GLYCTK: variants seen among roughly 807,000 people sequenced by gnomAD.
GLYCTK encodes the protein glycerate kinase, also known as HBeAg binding protein 4.
A neutral mutation model predicts 24.8 loss-of-function variants in GLYCTK; 22 were observed. That is an observed-to-expected ratio of 0.89 (90% confidence interval 0.63 to 1.27). GLYCTK has a LOEUF of 1.27. GLYCTK is among the 50% of genes most tolerant of loss of function. GLYCTK has a pLI of 0.00. For missense variants in GLYCTK, 684 were observed against 686.7 expected (o/e 1.00, Z 0.04); for synonymous variants, 320 against 297.2 (o/e 1.08, Z -0.79).
In GLYCTK at chr3:52,291,734, A is replaced by G; in HGVS notation, c.530-13A>G. Reference sequence around the variant, plus strand: ...GATAGCCCCTCTACCTGATACCCTCATTGTCTTGAGAGGTGGGGGTTCAGC... The same window carrying G: ...GATAGCCCCTCTACCTGATACCCTCGTTGTCTTGAGAGGTGGGGGTTCAGC... On this transcript the variant is annotated splice_polypyrimidine_tract_variant and intron_variant, in intron 3 of 4. Transcript: ENST00000436784. 1 of 1,613,026 alleles carries G rather than the reference A, an allele frequency of 6.2e-7. No individual in the cohort carries two copies. Among genetic ancestry groups the G allele is most frequent in the Non-Finnish European group, 8.5e-7 (1 of 1,179,680 alleles).
chr3:52,291,180 G>GATC (rs1489944565), intron 3 of GLYCTK, 69 bp downstream of exon 3: 3 of 1,575,894 alleles, frequency 1.9e-6, no homozygotes, highest in Non-Finnish European at 2.6e-6. Context: ...GTCTTCGAGA[G>GATC]ATCAGGTCTG....
In GLYCTK at chr3:52,293,917, C is replaced by T. The variant is rs761907654; in HGVS notation, c.*791C>T. The T allele has an allele frequency of 1.3e-4, 61 of 453,816 alleles. No homozygotes were observed. The highest frequency in any genetic ancestry group is 2.1e-4 in the Non-Finnish European group (47 of 226,652). The allele number at this position is 453,816 out of a possible 1,614,324, so 28.1% of individuals were successfully genotyped here. ...TTGTCCCACCCCCCAGTGCTGTTTC[C>T]TTGTGACAGCCCTTGTCCTAGGCTG... is the stretch of plus-strand genomic sequence containing the variant. On this transcript the variant is annotated 3_prime_UTR_variant, in exon 5 of 5. Transcript: ENST00000436784.
rs1037127209 is a variant in GLYCTK at position 52,295,242 on chromosome 3, A to G, written c.*2116A>G. 5 of 441,248 alleles carry G rather than the reference A, an allele frequency of 1.1e-5. No homozygotes were observed. Among genetic ancestry groups the G allele is most frequent in the Admixed American group, 7.1e-5 (3 of 42,136 alleles). The allele number at this position is 441,248 out of a possible 1,614,324, so 27.3% of individuals were successfully genotyped here. A position where few individuals can be genotyped will look rare whatever the true frequency, so the allele number is the denominator to read the frequency against. ...TTCATTACTTGCTCCATAAATGTCA[A>G]TTTTGGATCATTGAAGTGCCCGTCC... On this transcript the variant is annotated 3_prime_UTR_variant, in exon 5 of 5. Transcript: ENST00000436784.
rs1357091021 is a variant in GLYCTK, at chr3:52,294,091, A to G, written c.*965A>G. 3.9e-6 allele frequency: 2 copies of G among 515,338 alleles called. No homozygotes were observed. The allele number at this position is 515,338 out of a possible 1,614,324, so 31.9% of individuals were successfully genotyped here. A position where few individuals can be genotyped will look rare whatever the true frequency, so the allele number is the denominator to read the frequency against. On this transcript the variant is annotated 3_prime_UTR_variant, in exon 5 of 5. Coordinates refer to ENST00000436784, the MANE Select transcript of GLYCTK (RefSeq NM_145262.4). The stretch of plus-strand genomic sequence containing the variant: ...ACCTCTTCCTGTGACCACTGGCGGG[A>G]GAAGAGGCAAGTGGGAATAGAGGAA...
At position 52,293,350 on chromosome 3, in the gene GLYCTK, G is replaced by A. The variant is rs911399155; in HGVS notation, c.*224G>A. On this transcript the variant is annotated 3_prime_UTR_variant, in exon 5 of 5. Coordinates refer to ENST00000436784, the MANE Select transcript of GLYCTK (RefSeq NM_145262.4). Reference sequence around the variant, plus strand: ...GCTTCCCCCTACCCCTGAGGATGAGGACAAGCCCCTCGGCCAGTTCAGCGT... The same window carrying A: ...GCTTCCCCCTACCCCTGAGGATGAGAACAAGCCCCTCGGCCAGTTCAGCGT... 104 of 699,754 alleles carry A rather than the reference G, an allele frequency of 1.5e-4. No homozygotes were observed. Among genetic ancestry groups the A allele is most frequent in the Non-Finnish European group, 2.4e-4 (91 of 384,678 alleles). The allele number at this position is 699,754 out of a possible 1,614,324, so 43.3% of individuals were successfully genotyped here.
intron 1 of GLYCTK, among the ~76,000 whole-genome samples, chr3:52,288,316 G>T (rs1333769444): frequency 1.3e-5 from 2 of 152,182 alleles, no homozygotes; most frequent in African/African-American, 4.8e-5. Context: ...CTGTTCAAAT[G>T]ATTCTCATGC....
At position 52,295,161 on chromosome 3, in the gene GLYCTK, G is replaced by A; in HGVS notation, c.*2035G>A. On this transcript the variant is annotated 3_prime_UTR_variant, in exon 5 of 5. Transcript: ENST00000436784. ...CCAGAGATAAGAAAGGATGTATTTG[G>A]CCACAGTCTAAATGCTGAGATGAGA... is the stretch of plus-strand genomic sequence containing the variant. 2.2e-6 allele frequency: 1 copy of A among 454,114 alleles called. No individual in the cohort carries two copies. The highest frequency in any genetic ancestry group is 4.4e-6 in the Non-Finnish European group (1 of 226,794). 28.1% of individuals were successfully genotyped at this position (454,114 alleles called of 1,614,324 possible).
At chr3:52,291,227 G>C (rs1700459415) in intron 3 of GLYCTK, 116 bp downstream of exon 3, 1 of 1,309,854 alleles carries the variant, frequency 7.6e-7, no homozygotes, top group Non-Finnish European at 1.1e-6. Flanking sequence ...AGGAGCAAGG[G>C]AGGTGGTGAG....
rs780394291 is a variant in GLYCTK, at chr3:52,292,802, C to T, written c.1248C>T (p.Gly416=). ...AGGEPTVQLQ[G]SGRGGRNQEL... is the part of the protein sequence containing the mutation. ...GCGAGCCCACAGTACAGCTGCAGGG[C>T]TCGGGCAGGGGTGGCCGGAACCAGG... is the stretch of plus-strand genomic sequence containing the variant. Residue 416 remains glycine, a synonymous_variant, in exon 5 of 5, where the codon GGC becomes GGT. Transcript: ENST00000436784. 3 of 1,611,378 alleles carry T rather than the reference C, an allele frequency of 1.9e-6. No individual in the cohort carries two copies. The highest frequency in any genetic ancestry group is 2.5e-6 in the Non-Finnish European group (3 of 1,178,976).
At position 52,294,157 on chromosome 3, in the gene GLYCTK, G is replaced by A. The variant is rs1159451760; in HGVS notation, c.*1031G>A. The A allele has an allele frequency of 1.9e-6, 1 of 532,372 alleles. No homozygotes were observed. The highest frequency in any genetic ancestry group is 3.9e-6 in the Non-Finnish European group (1 of 259,238). 33.0% of individuals were successfully genotyped at this position (532,372 alleles called of 1,614,324 possible). On this transcript the variant is annotated 3_prime_UTR_variant, in exon 5 of 5. Coordinates refer to ENST00000436784, the MANE Select transcript of GLYCTK (RefSeq NM_145262.4). Reference sequence around the variant, plus strand: ...GGCCAGCAGCCTGGGTTGAGAGAGGGAGGTGCCACTGTCCTGCCTCCTTTT... The same window carrying A: ...GGCCAGCAGCCTGGGTTGAGAGAGGAAGGTGCCACTGTCCTGCCTCCTTTT...
chr3:52,295,126 A>C lies in GLYCTK; in HGVS notation c.*2000A>C. ...TGAGCCTAACCCGTTAGATTTGCTC[A>C]CTGGATACCCCAGAGATAAGAAAGG... is the stretch of plus-strand genomic sequence containing the variant. On this transcript the variant is annotated 3_prime_UTR_variant, in exon 5 of 5. Transcript: ENST00000436784. The C allele has an allele frequency of 2.2e-6, 1 of 454,112 alleles. No homozygotes were observed. The highest frequency in any genetic ancestry group is 1.6e-5 in the South Asian group (1 of 64,478). 28.1% of individuals were successfully genotyped at this position (454,112 alleles called of 1,614,324 possible).
At position 52,293,459 on chromosome 3, in the gene GLYCTK, T is replaced by A. The variant is rs1158000242; in HGVS notation, c.*333T>A. On this transcript the variant is annotated 3_prime_UTR_variant, in exon 5 of 5. Transcript: ENST00000436784. The stretch of plus-strand genomic sequence containing the variant: ...TGAAGCGAGAATGTCTGAAAATAAA[T>A]AGGACCATGCCATGGGTTCTCAGTG... 6 of 533,768 alleles carry A rather than the reference T, an allele frequency of 1.1e-5. No individual in the cohort carries two copies. In the Admixed American group the frequency reaches 1.3e-4, roughly 12 times the overall value. 33.1% of individuals were successfully genotyped at this position (533,768 alleles called of 1,614,324 possible). A position where few individuals can be genotyped will look rare whatever the true frequency, so the allele number is the denominator to read the frequency against.
chr3:52,294,087 C>A lies in GLYCTK; in HGVS notation c.*961C>A. 2.0e-6 allele frequency: 1 copy of A among 512,168 alleles called. No individual in the cohort carries two copies. Among genetic ancestry groups the A allele is most frequent in the South Asian group, 1.4e-5 (1 of 69,968 alleles). 31.7% of individuals were successfully genotyped at this position (512,168 alleles called of 1,614,324 possible). A position where few individuals can be genotyped will look rare whatever the true frequency, so the allele number is the denominator to read the frequency against. Reference sequence around the variant, plus strand: ...CCACACCTCTTCCTGTGACCACTGGCGGGAGAAGAGGCAAGTGGGAATAGA... The same window carrying A: ...CCACACCTCTTCCTGTGACCACTGGAGGGAGAAGAGGCAAGTGGGAATAGA... On this transcript the variant is annotated 3_prime_UTR_variant, in exon 5 of 5. Coordinates refer to ENST00000436784, the MANE Select transcript of GLYCTK (RefSeq NM_145262.4).
chr3:52,288,147 C>G (rs1235847886), intron 1 of GLYCTK: 1 of 166,800 alleles, frequency 6.0e-6, no homozygotes, highest in Non-Finnish European at 1.4e-5. Context: ...CTGGAGCCTC[C>G]CGGAGTTTCG....
rs1447178441 is a variant in GLYCTK, at chr3:52,294,967, G to A, written c.*1841G>A. 2 of 453,954 alleles carry A rather than the reference G, an allele frequency of 4.4e-6. No homozygotes were observed. The highest frequency in any genetic ancestry group is 4.0e-5 in the African/African-American group (2 of 49,970). 28.1% of individuals were successfully genotyped at this position (453,954 alleles called of 1,614,324 possible). A position where few individuals can be genotyped will look rare whatever the true frequency, so the allele number is the denominator to read the frequency against. On this transcript the variant is annotated 3_prime_UTR_variant, in exon 5 of 5. Coordinates refer to ENST00000436784, the MANE Select transcript of GLYCTK (RefSeq NM_145262.4). Reference sequence around the variant, plus strand: ...AGGGCACATGACTCCCTGCATCCCTGCTGAGGGCTTTGGGTATGGATAGGA... The same window carrying A: ...AGGGCACATGACTCCCTGCATCCCTACTGAGGGCTTTGGGTATGGATAGGA...
rs1700563382 is a variant in GLYCTK at position 52,293,807 on chromosome 3, C to CAGCTTGTAG, written c.*682_*690dup. 1 of 453,936 alleles carries CAGCTTGTAG rather than the reference C, an allele frequency of 2.2e-6. No homozygotes were observed. The highest frequency in any genetic ancestry group is 1.6e-5 in the South Asian group (1 of 64,478). The allele number at this position is 453,936 out of a possible 1,614,324, so 28.1% of individuals were successfully genotyped here. A position where few individuals can be genotyped will look rare whatever the true frequency, so the allele number is the denominator to read the frequency against. On this transcript the variant is annotated 3_prime_UTR_variant, in exon 5 of 5. Transcript: ENST00000436784. The stretch of plus-strand genomic sequence containing the variant: ...ACTGTCACCATGGCTTCTCCAGCCT[C>CAGCTTGTAG]AGCTTGTAGGCCTCGTTGGATGGAT...
rs1489812236 is a variant in GLYCTK, at chr3:52,293,083, C to T, written c.1529C>T (p.Thr510Ile). 1.9e-6 allele frequency: 3 copies of T among 1,614,038 alleles called. No individual in the cohort carries two copies. The highest frequency in any genetic ancestry group is 1.7e-5 in the Admixed American group (1 of 60,028). Reference protein sequence around the residue: ...AHLLHTGMTGTNVMDTHLLFL... With the variant: ...AHLLHTGMTGINVMDTHLLFL... ...CTGCTGCACACAGGGATGACAGGTACCAATGTCATGGACACCCACCTCTTG... is the reference window on the plus strand; with the variant it reads ...CTGCTGCACACAGGGATGACAGGTATCAATGTCATGGACACCCACCTCTTG... Residue 510 changes from threonine to isoleucine, a missense_variant, in exon 5 of 5, where the codon ACC becomes ATC. By Grantham distance (89) the Thr-to-Ile change is moderately conservative. Coordinates refer to ENST00000436784, the MANE Select transcript of GLYCTK (RefSeq NM_145262.4).
chr3:52,293,290 T>C lies in GLYCTK; in HGVS notation c.*164T>C, dbSNP rs77578880. The C allele has an allele frequency of 5.5e-3, 4,181 of 756,390 alleles. 40 individuals carry two copies. Among genetic ancestry groups the C allele is most frequent in the Middle Eastern group, 0.021 (94 of 4,484 alleles). 46.9% of individuals were successfully genotyped at this position (756,390 alleles called of 1,614,324 possible). On this transcript the variant is annotated 3_prime_UTR_variant, in exon 5 of 5. Transcript: ENST00000436784. ...CCTTCCACTCAGGGCCTCTGCTCTA[T>C]ATCTATTCCCTTCCAGCCAGACTGG...
intron 3 of GLYCTK, 102 bp from the exon 4 acceptor site, chr3:52,291,645 C>T: frequency 1.7e-6 from 2 of 1,160,606 alleles, no homozygotes; most frequent in South Asian, 1.3e-5. Flanking sequence ...CCTAACCCCA[C>T]CTTTCCAGCC....
Sources: allele counts gnomAD v4.1 joint callset (sites outside exome capture counted in the v4.1 genomes callset), GRCh38; gene constraint gnomAD v4.1.1; transcripts MANE v1.5; gene names NCBI Gene and HGNC (gene_info 2026-07-23, HGNC 2026-07-21).